The following KIAA0319L variants were observed in gnomAD, a reference collection of about 807,000 sequenced individuals.
KIAA0319L encodes dyslexia-associated protein KIAA0319-like protein.
KIAA0319L carries 55 observed loss-of-function variants against 120.1 expected under a neutral mutation model. The ratio of observed to expected loss-of-function variants is 0.46; its 90% CI spans 0.37 to 0.57. KIAA0319L has a LOEUF of 0.57. KIAA0319L is among the 20% of genes least tolerant of loss of function. The pLI is 0.00. For synonymous variants in KIAA0319L, 398 were observed against 471.9 expected (o/e 0.84, Z 2.03); for missense variants, 1,049 against 1,255.3 (o/e 0.84, Z 2.48).
intron 2 of KIAA0319L, among the ~76,000 whole-genome samples, chr1:35,525,034 TATC>T (rs920079898): frequency 1.3e-5 from 2 of 152,174 alleles, no homozygotes; most frequent in African/African-American, 4.8e-5. Context: ...TTCAGTTAAT[TATC>T]ATTCTACTCC....
Position 35,441,043 on chromosome 1 carries a change from C to T in KIAA0319L, c.2962+4G>A. On this transcript the variant is annotated splice_donor_region_variant and intron_variant, in intron 20 of 20. Coordinates refer to ENST00000325722, the MANE Select transcript of KIAA0319L (RefSeq NM_024874.5). Reference sequence around the variant, plus strand: ...CTAGAAGCTCTGGCACCCAGGGCCCCTACCTGCTCGGGAGGTTGGCTTCAG... The same window carrying T: ...CTAGAAGCTCTGGCACCCAGGGCCCTTACCTGCTCGGGAGGTTGGCTTCAG... 1 of 1,613,774 alleles carries T rather than the reference C, an allele frequency of 6.2e-7. No individual in the cohort carries two copies. Among genetic ancestry groups the T allele is most frequent in the Non-Finnish European group, 8.5e-7 (1 of 1,179,628 alleles).
rs1570872686 is a variant in KIAA0319L at position 35,505,958 on chromosome 1, C to T, written c.666+654G>A. ...ACAAAACAAATACAAAAATAAGTCA[C>T]AGCAATCAAGGAAGACTGAGCAGAG... On this transcript the variant is annotated intron_variant, in intron 3 of 20. Coordinates refer to ENST00000325722, the MANE Select transcript of KIAA0319L (RefSeq NM_024874.5). Among the ~76,000 whole-genome samples, 6 of 152,292 alleles carry T rather than the reference C, an allele frequency of 3.9e-5. No homozygotes were observed. In the South Asian group the frequency reaches 1.2e-3, roughly 32 times the overall value.
At chr1:35,491,018 G>GA in intron 3 of KIAA0319L, among the ~76,000 whole-genome samples, 1 of 152,298 alleles carries the variant, frequency 6.6e-6, no homozygotes, top group Middle Eastern at 3.4e-3. Context: ...GCAGAACTGT[G>GA]AGTCAATTAA....
At chr1:35,504,421 C>A (rs1645131716) in intron 3 of KIAA0319L, among the ~76,000 whole-genome samples, 1 of 152,224 alleles carries the variant, frequency 6.6e-6, no homozygotes, top group Admixed American at 6.5e-5. Context: ...TGGTCTCGAT[C>A]TCCTGACCTT....
chr1:35,489,671 T>G (rs1033984437), intron 3 of KIAA0319L, among the ~76,000 whole-genome samples: 3 of 128,422 alleles, frequency 2.3e-5, no homozygotes, highest in African/African-American at 3.4e-5. Context: ...TTTCTTTGGG[T>G]TTTTTTTTTT....
intron 3 of KIAA0319L, among the ~76,000 whole-genome samples, chr1:35,493,843 T>TCAAA (rs147277273): frequency 5.7e-4 from 87 of 151,818 alleles, no homozygotes; most frequent in Middle Eastern, 3.4e-3. Context: ...AGACCCTATC[T>TCAAA]CAAACAAACA....
At position 35,456,248 on chromosome 1, in the gene KIAA0319L, G is replaced by T; in HGVS notation, c.1428-7C>A. On this transcript the variant is annotated splice_polypyrimidine_tract_variant and splice_region_variant and intron_variant, in intron 9 of 20. Transcript: ENST00000325722. ...AGAGTCTACTACAGTCAAGCTATCA[G>T]GGCAGAGAGAGGAGTGTGATCAGGG... The T allele has an allele frequency of 6.5e-7, 1 of 1,531,142 alleles. No individual in the cohort carries two copies. Among genetic ancestry groups the T allele is most frequent in the Non-Finnish European group, 8.9e-7 (1 of 1,127,854 alleles). The allele number at this position is 1,531,142 out of a possible 1,614,324, so 94.8% of individuals were successfully genotyped here. A position where few individuals can be genotyped will look rare whatever the true frequency, so the allele number is the denominator to read the frequency against.
intron 2 of KIAA0319L, among the ~76,000 whole-genome samples, chr1:35,509,324 T>G (rs560650125): frequency 6.6e-6 from 1 of 152,234 alleles, no homozygotes; most frequent in South Asian, 2.1e-4. Flanking sequence ...ATGAGGGAAA[T>G]TAGAAAATAT....
At chr1:35,485,322 C>T (rs1644347208) in intron 3 of KIAA0319L, among the ~76,000 whole-genome samples, 1 of 151,966 alleles carries the variant, frequency 6.6e-6, no homozygotes, top group Non-Finnish European at 1.5e-5. Context: ...TTATTTTAGC[C>T]TGGGTTTCTA....
chr1:35,466,976 C>T (rs1318089278), intron 6 of KIAA0319L, among the ~76,000 whole-genome samples: 2 of 152,064 alleles, frequency 1.3e-5, no homozygotes, highest in Non-Finnish European at 2.9e-5. Context: ...CCTGTAGTCC[C>T]AGCTACTTAG....
chr1:35,451,506 C>T (rs1248188919), intron 13 of KIAA0319L, 122 bp downstream of exon 13: 1 of 949,552 alleles, frequency 1.1e-6, no homozygotes, highest in Non-Finnish European at 1.6e-6. Flanking sequence ...TTGCCCTCAC[C>T]CCAACCCTCT....
At chr1:35,513,298 T>A (rs1173467153) in intron 2 of KIAA0319L, among the ~76,000 whole-genome samples, 146 of 141,850 alleles carry the variant, frequency 1.0e-3, no homozygotes, top group Middle Eastern at 3.8e-3. Context: ...ATTTTTTTTT[T>A]TTTTTTTTTC....
chr1:35,514,179 G>A (rs1422157191), intron 2 of KIAA0319L, among the ~76,000 whole-genome samples: 1 of 151,910 alleles, frequency 6.6e-6, no homozygotes, highest in Non-Finnish European at 1.5e-5. Flanking sequence ...AAGACCAGGT[G>A]GCAAGATGGA....
At chr1:35,442,370 A>G (rs1641288490) in intron 18 of KIAA0319L, 34 bp from the exon 19 acceptor site, 1 of 1,547,486 alleles carries the variant, frequency 6.5e-7, no homozygotes. Flanking sequence ...AGGGCTGTGG[A>G]GGGAGAGGCT....
intron 20 of KIAA0319L, 149 bp from the exon 21 acceptor site, chr1:35,435,230 C>CTT: frequency 1.5e-6 from 1 of 686,264 alleles, no homozygotes; most frequent in Non-Finnish European, 2.5e-6. Flanking sequence ...AGGAAGCTTC[C>CTT]CTAGTCCTTC....
At chr1:35,476,547 T>G (rs1643902014) in intron 4 of KIAA0319L, among the ~76,000 whole-genome samples, 1 of 152,110 alleles carries the variant, frequency 6.6e-6, no homozygotes, top group Non-Finnish European at 1.5e-5. Flanking sequence ...TAATGGAAGC[T>G]TCAGCATTTG....
intron 16 of KIAA0319L, 49 bp downstream of exon 16, chr1:35,448,124 C>T (rs761397561): frequency 9.9e-6 from 15 of 1,519,724 alleles, no homozygotes; most frequent in East Asian, 9.3e-5. Context: ...TCAAGAAGCC[C>T]GGGGGCCCCT....
chr1:35,516,114 C>T lies in KIAA0319L; in HGVS notation c.143-8979G>A, dbSNP rs191732306. On this transcript the variant is annotated intron_variant, in intron 2 of 20. Coordinates refer to ENST00000325722, the MANE Select transcript of KIAA0319L (RefSeq NM_024874.5). ...CAGATGGATTCCCAGCTGAATTCCA[C>T]GAGATGTACAAAGAAGAGCTGGTAC... Among the ~76,000 whole-genome samples the T allele has an allele frequency of 7.9e-5, 12 of 152,280 alleles. No homozygotes were observed. In the East Asian group the frequency reaches 1.7e-3, roughly 22 times the overall value.
chr1:35,497,458 G>C (rs1416654358), intron 3 of KIAA0319L, among the ~76,000 whole-genome samples: 2 of 152,152 alleles, frequency 1.3e-5, no homozygotes, highest in Non-Finnish European at 2.9e-5. Context: ...CAATTTTCTA[G>C]AGGGGGTGAG....
Sources: gnomAD v4.1 joint callset for allele counts (sites outside exome capture counted in the v4.1 genomes callset) on GRCh38, gnomAD v4.1.1 for gene constraint, MANE v1.5 for transcripts, NCBI Gene and HGNC (gene_info 2026-07-23, HGNC 2026-07-21) for gene names.